Variants in FHIT observed in about 807,000 individuals in gnomAD.
The protein encoded by FHIT is bis(5'-adenosyl)-triphosphatase.
Under a neutral mutation model 17.9 loss-of-function variants are expected in FHIT, and 19 were observed. The ratio of observed to expected loss-of-function variants is 1.06; its 90% confidence interval spans 0.74 to 1.56. The LOEUF (loss-of-function observed/expected upper bound fraction) is 1.56, where lower values mean the gene tolerates loss of function less well. Ranked by LOEUF, FHIT falls within the 40% of genes most tolerant of loss-of-function variation. The pLI is 0.00. For synonymous variants in FHIT, 81 were observed against 69.7 expected, an observed-to-expected ratio of 1.16 and a Z score of -0.81; for missense variants, 248 against 189.2, an observed-to-expected ratio of 1.31 and a Z score of -1.82.
At chr3:60,238,581 G>A (rs1387718270) in intron 5 of FHIT, among the ~76,000 whole-genome samples, 2 of 151,908 alleles carry the variant, frequency 1.3e-5, no homozygotes, top group African/African-American at 2.4e-5. Flanking sequence ...TGAAGCTATC[G>A]CCTACATGAG....
chr3:60,189,589 A>G (rs1403152180), intron 5 of FHIT, among the ~76,000 whole-genome samples: 4 of 152,188 alleles, frequency 2.6e-5, no homozygotes, highest in Admixed American at 2.6e-4. Context: ...TGCTATATTT[A>G]TTGCAAGACA....
At position 60,664,147 on chromosome 3, in the gene FHIT, TA is replaced by T. The variant is rs564264214; in HGVS notation, c.-17-127169del. Among the ~76,000 whole-genome samples, 183 of 152,318 alleles carry T rather than the reference TA, an allele frequency of 1.2e-3. 1 individual carries two copies. Among genetic ancestry groups the T allele is most frequent in the African/African-American group, 4.3e-3 (180 of 41,582 alleles). ...TCTAAATTGCTGAGAATTTTTATTA[TA>T]AATAGATGTTGGATTTTGTCAGACG... On this transcript the variant is annotated intron_variant, in intron 4 of 9. Coordinates refer to ENST00000492590, the MANE Select transcript of FHIT (RefSeq NM_002012.4).
At chr3:60,227,185 A>C (rs1373923043) in intron 5 of FHIT, among the ~76,000 whole-genome samples, 6 of 152,150 alleles carry the variant, frequency 3.9e-5, no homozygotes, top group Non-Finnish European at 8.8e-5. Flanking sequence ...ATTCAAAGGA[A>C]TCACTAAACT....
chr3:60,903,333 C>A (rs1248294697), intron 3 of FHIT, among the ~76,000 whole-genome samples: 1 of 152,048 alleles, frequency 6.6e-6, no homozygotes, highest in African/African-American at 2.4e-5. Context: ...GGTATTTTAC[C>A]TACATTATAT....
At chr3:60,557,400 G>T (rs1250047786) in intron 4 of FHIT, among the ~76,000 whole-genome samples, 1 of 148,004 alleles carries the variant, frequency 6.8e-6, no homozygotes, top group Non-Finnish European at 1.5e-5. Flanking sequence ...GTGACAGGAA[G>T]AACAAAAAAA....
At chr3:60,355,479 A>C (rs1220897439) in intron 5 of FHIT, among the ~76,000 whole-genome samples, 1 of 145,754 alleles carries the variant, frequency 6.9e-6, no homozygotes, top group African/African-American at 2.7e-5. Flanking sequence ...TTATTTGAGA[A>C]AAAAAAAAGC....
At chr3:60,272,669 A>G (rs1276339025) in intron 5 of FHIT, among the ~76,000 whole-genome samples, 1 of 152,214 alleles carries the variant, frequency 6.6e-6, no homozygotes, top group Non-Finnish European at 1.5e-5. Context: ...TTCTGTACAA[A>G]CTGAGTTTGA....
At chr3:60,820,368 T>C (rs531592980) in intron 4 of FHIT, among the ~76,000 whole-genome samples, 1 of 152,046 alleles carries the variant, frequency 6.6e-6, no homozygotes, top group Admixed American at 6.5e-5. Flanking sequence ...AAGGATCAAA[T>C]AATTATATGT....
At chr3:61,011,203 G>A (rs1054264726) in intron 3 of FHIT, among the ~76,000 whole-genome samples, 30 of 152,272 alleles carry the variant, frequency 2.0e-4, no homozygotes, top group Admixed American at 1.6e-3. Flanking sequence ...AACTGTGGTT[G>A]TGGAATTCCA....
intron 4 of FHIT, among the ~76,000 whole-genome samples, chr3:60,609,701 C>T (rs781986038): frequency 6.6e-6 from 1 of 152,118 alleles, no homozygotes; most frequent in African/African-American, 2.4e-5. Flanking sequence ...CACCCTAACT[C>T]TCAAATAGCC....
At chr3:60,271,032 G>A (rs951541144) in intron 5 of FHIT, among the ~76,000 whole-genome samples, 5 of 152,136 alleles carry the variant, frequency 3.3e-5, no homozygotes, top group African/African-American at 9.7e-5. Context: ...ATTACCAGAG[G>A]AATCTACATA....
At chr3:60,409,136 AGTGTAT>A (rs1231463770) in intron 5 of FHIT, among the ~76,000 whole-genome samples, 1 of 152,214 alleles carries the variant, frequency 6.6e-6, no homozygotes, top group East Asian at 1.9e-4. Flanking sequence ...TGAATATGAT[AGTGTAT>A]GTTACAAAAG....
chr3:60,533,182 G>C (rs1039869286), intron 5 of FHIT, among the ~76,000 whole-genome samples: 2 of 152,276 alleles, frequency 1.3e-5, no homozygotes, highest in South Asian at 2.1e-4. Context: ...AGGATGAAGG[G>C]GAAGCTGGGA....
At chr3:60,144,993 G>A (rs17062363) in intron 5 of FHIT, among the ~76,000 whole-genome samples, 21,230 of 151,992 alleles carry the variant, frequency 0.14, 2,464 homozygotes, top group African/African-American at 0.31. Context: ...TGATTTGGAG[G>A]AAAAAAACAT....
chr3:60,741,604 C>T (rs1421035627), intron 4 of FHIT, among the ~76,000 whole-genome samples: 1 of 152,218 alleles, frequency 6.6e-6, no homozygotes. Context: ...GACTTTGTAA[C>T]ATTCCCCCCA....
intron 2 of FHIT, among the ~76,000 whole-genome samples, chr3:61,134,607 A>G (rs1315585815): frequency 6.6e-6 from 1 of 152,190 alleles, no homozygotes; most frequent in Non-Finnish European, 1.5e-5. Context: ...AGAAAATTTT[A>G]GGGTTGTCAT....
intron 5 of FHIT, among the ~76,000 whole-genome samples, chr3:60,359,368 C>T (rs1296533883): frequency 1.3e-5 from 2 of 150,316 alleles, no homozygotes; most frequent in African/African-American, 2.5e-5. Context: ...GCAACCTCCG[C>T]CTCCTGGGTT....
intron 5 of FHIT, among the ~76,000 whole-genome samples, chr3:60,327,569 G>T (rs1171373322): frequency 6.6e-6 from 1 of 152,186 alleles, no homozygotes. Flanking sequence ...TCTTGCATAT[G>T]GTGTGTGCTA....
chr3:60,231,951 A>G (rs1704517911), intron 5 of FHIT, among the ~76,000 whole-genome samples: 1 of 152,180 alleles, frequency 6.6e-6, no homozygotes, highest in Non-Finnish European at 1.5e-5. Flanking sequence ...GACAGGGAGC[A>G]TAAAATAAGG....
Sources: gnomAD v4.1 joint callset for allele counts (sites outside exome capture counted in the v4.1 genomes callset) on GRCh38, gnomAD v4.1.1 for gene constraint, MANE v1.5 for transcripts, NCBI Gene and HGNC (gene_info 2026-07-23, HGNC 2026-07-21) for gene names.